The following POTEC variants were observed in gnomAD, a reference collection of about 807,000 sequenced individuals.
The protein encoded by POTEC is ANKRD26-like family B member 2.
A neutral mutation model predicts 62.0 loss-of-function variants in POTEC; 35 were observed. The observed-to-expected ratio is 0.56, with a 90% CI of 0.43 to 0.75. The LOEUF is 0.75. Ranked by LOEUF, POTEC falls within the 30% of genes least tolerant of loss-of-function variation. The pLI is 0.00. For missense variants in POTEC, 472 were observed against 655.9 expected, an observed-to-expected ratio of 0.72 and a Z score of 3.06; for synonymous variants, 156 against 221.5, an observed-to-expected ratio of 0.70 and a Z score of 2.62.
intron 9 of POTEC, among the ~76,000 whole-genome samples, chr18:14,514,284 C>A (rs542367566): frequency 6.6e-6 from 1 of 151,588 alleles, no homozygotes; most frequent in African/African-American, 2.4e-5. Context: ...CTAATGTCAC[C>A]GCTGATCTGA....
chr18:14,529,195 A>T (rs184246489), intron 6 of POTEC: 3,451 of 309,260 alleles, frequency 0.011, 113 homozygotes, highest in African/African-American at 0.071. Context: ...GCACACAGTA[A>T]GCACTGAATA....
At chr18:14,522,557 T>C (rs1190709196) in intron 8 of POTEC, 137 bp from the exon 9 acceptor site, 1 of 1,337,604 alleles carries the variant, frequency 7.5e-7, no homozygotes, top group Non-Finnish European at 1.0e-6. Context: ...TTTGATCATA[T>C]ATACAGAACT....
At chr18:14,516,920 T>C (rs530739887) in intron 9 of POTEC, among the ~76,000 whole-genome samples, 1 of 151,308 alleles carries the variant, frequency 6.6e-6, no homozygotes, top group Non-Finnish European at 1.5e-5. Flanking sequence ...AGAAAAGGAA[T>C]TTAAAAAGAG....
chr18:14,540,085 T>G (rs1413345885), intron 1 of POTEC, among the ~76,000 whole-genome samples: 1 of 137,730 alleles, frequency 7.3e-6, no homozygotes, highest in Non-Finnish European at 1.6e-5. Flanking sequence ...ATAACTAAAC[T>G]AAAATAATTA....
chr18:14,529,862 C>T (rs1193467989), intron 6 of POTEC, among the ~76,000 whole-genome samples: 1 of 152,002 alleles, frequency 6.6e-6, no homozygotes, highest in African/African-American at 2.4e-5. Context: ...TGTGCTTTGG[C>T]GTTCTTTTGT....
chr18:14,515,575 C>A lies in POTEC; in HGVS notation c.1410-1790G>T, dbSNP rs564740488. Among the ~76,000 whole-genome samples the A allele has an allele frequency of 9.9e-5, 15 of 151,980 alleles. No homozygotes were observed. In the South Asian group the frequency reaches 3.1e-3, roughly 32 times the overall value. On this transcript the variant is annotated intron_variant, in intron 9 of 10. Coordinates refer to ENST00000358970, the MANE Select transcript of POTEC (RefSeq NM_001137671.2). ...ATGGATTAATGGCCTAAACCTAAGA[C>A]CTGAAGACATTAGCCTAGGCAAATA...
chr18:14,528,086 C>T (rs1175529143), intron 6 of POTEC: 1 of 152,186 alleles, frequency 6.6e-6, no homozygotes, highest in Non-Finnish European at 1.5e-5. Flanking sequence ...GGCTTTCACA[C>T]TACAACAACA....
Position 14,511,357 on chromosome 18 carries a change from T to C in POTEC, c.*541A>G. On this transcript the variant is annotated 3_prime_UTR_variant, in exon 11 of 11. Coordinates refer to ENST00000358970, the MANE Select transcript of POTEC (RefSeq NM_001137671.2). ...AGGATCTCTTCTGCCCCTGGTGGGTTTGTACTCTCCAAAGCCCGCACGCTG... is the reference window on the plus strand; with the variant it reads ...AGGATCTCTTCTGCCCCTGGTGGGTCTGTACTCTCCAAAGCCCGCACGCTG... The C allele has an allele frequency of 7.3e-6, 2 of 275,450 alleles. No homozygotes were observed. Among genetic ancestry groups the C allele is most frequent in the Non-Finnish European group, 1.4e-5 (2 of 143,550 alleles). The allele number at this position is 275,450 out of a possible 1,614,324, so 17.1% of individuals were successfully genotyped here. A position where few individuals can be genotyped will look rare whatever the true frequency, so the allele number is the denominator to read the frequency against.
intron 3 of POTEC, among the ~76,000 whole-genome samples, chr18:14,537,192 CACACACACACACACACACAA>C (rs1217690151): frequency 1.2e-5 from 1 of 80,570 alleles, no homozygotes; most frequent in East Asian, 5.4e-4. Flanking sequence ...CACACACACA[CACACACACACACACACACAA>C]AAAAAAAAAA....
chr18:14,519,779 A>C (rs959834436), intron 9 of POTEC, among the ~76,000 whole-genome samples: 2 of 152,126 alleles, frequency 1.3e-5, no homozygotes, highest in Non-Finnish European at 2.9e-5. Context: ...GGAAACAACA[A>C]TGTCCAAAAG....
In POTEC at chr18:14,510,288, C is replaced by T. The variant is rs974764523; in HGVS notation, c.*1610G>A. 6.6e-6 allele frequency: 1 copy of T among 152,062 alleles called. No homozygotes were observed. The highest frequency in any genetic ancestry group is 1.5e-5 in the Non-Finnish European group (1 of 68,020). 9.4% of individuals were successfully genotyped at this position (152,062 alleles called of 1,614,324 possible). On this transcript the variant is annotated 3_prime_UTR_variant, in exon 11 of 11. Coordinates refer to ENST00000358970, the MANE Select transcript of POTEC (RefSeq NM_001137671.2). ...CAATATGGCACTTAGGGTCTTTGCTCCCTTGATATTCTGAGGGTAGCAAGG... is the reference window on the plus strand; with the variant it reads ...CAATATGGCACTTAGGGTCTTTGCTTCCTTGATATTCTGAGGGTAGCAAGG...
rs962082704 is a variant in POTEC at position 14,510,849 on chromosome 18, T to C, written c.*1049A>G. 2 of 152,136 alleles carry C rather than the reference T, an allele frequency of 1.3e-5. No homozygotes were observed. Among genetic ancestry groups the C allele is most frequent in the African/African-American group, 2.4e-5 (1 of 41,422 alleles). The allele number at this position is 152,136 out of a possible 1,614,324, so 9.4% of individuals were successfully genotyped here. ...ACACTCTGAAACTCTAAGACTGAAC[T>C]GGCTGAGTCATCCAAACAGCAAAGA... On this transcript the variant is annotated 3_prime_UTR_variant, in exon 11 of 11. Coordinates refer to ENST00000358970, the MANE Select transcript of POTEC (RefSeq NM_001137671.2).
chr18:14,530,471 C>G lies in POTEC; in HGVS notation c.1126+12G>C. 6.2e-7 allele frequency: 1 copy of G among 1,602,622 alleles called. No homozygotes were observed. Among genetic ancestry groups the G allele is most frequent in the Non-Finnish European group, 8.5e-7 (1 of 1,173,628 alleles). ...CAACTGACCTAAAGTAATTCATTAT[C>G]ACAAGTCTTACCTGGATTGCTGTTT... On this transcript the variant is annotated intron_variant, in intron 6 of 10. Coordinates refer to ENST00000358970, the MANE Select transcript of POTEC (RefSeq NM_001137671.2).
chr18:14,543,414 C>G lies in POTEC; in HGVS notation c.-268G>C, dbSNP rs1567917558. Reference sequence around the variant, plus strand: ...CCCCCCTCCCAAGGAAACACCCAGCCCAGTCAAGGGAATGCCAAACCCAGC... The same window carrying G: ...CCCCCCTCCCAAGGAAACACCCAGCGCAGTCAAGGGAATGCCAAACCCAGC... On this transcript the variant is annotated 5_prime_UTR_variant, in exon 1 of 11. Coordinates refer to ENST00000358970, the MANE Select transcript of POTEC (RefSeq NM_001137671.2). 1 of 608,726 alleles carries G rather than the reference C, an allele frequency of 1.6e-6. No homozygotes were observed. The highest frequency in any genetic ancestry group is 2.9e-5 in the East Asian group (1 of 34,336). 37.7% of individuals were successfully genotyped at this position (608,726 alleles called of 1,614,324 possible). A position where few individuals can be genotyped will look rare whatever the true frequency, so the allele number is the denominator to read the frequency against.
At chr18:14,516,078 A>T (rs1298099178) in intron 9 of POTEC, among the ~76,000 whole-genome samples, 1 of 150,544 alleles carries the variant, frequency 6.6e-6, no homozygotes. Flanking sequence ...GTGGGGATAC[A>T]AATTAGTACA....
intron 5 of POTEC, chr18:14,531,643 A>G (rs1303889249): frequency 1.3e-5 from 2 of 151,884 alleles, no homozygotes; most frequent in Non-Finnish European, 2.9e-5. Flanking sequence ...AGAGCTAGTC[A>G]GCAAATAGTG....
chr18:14,525,014 T>C, intron 6 of POTEC, 31 bp from the exon 7 acceptor site: 3 of 1,598,958 alleles, frequency 1.9e-6, no homozygotes, highest in Non-Finnish European at 2.6e-6. Flanking sequence ...TCAGTTAAGA[T>C]GAACCACTTA....
At chr18:14,523,679 AAATTAAG>A (rs1910364931) in intron 7 of POTEC, among the ~76,000 whole-genome samples, 172 bp from the exon 8 acceptor site, 1 of 151,926 alleles carries the variant, frequency 6.6e-6, no homozygotes, top group South Asian at 2.1e-4. Flanking sequence ...TAAATAATTA[AAATTAAG>A]AATTAACTTT....
chr18:14,525,078 T>C lies in POTEC; in HGVS notation c.1127-95A>G. The stretch of plus-strand genomic sequence containing the variant: ...AAACAGATTGAAGACAGCATTTTAT[T>C]TTATTTCATAAATTGAGTGTTTAGT... On this transcript the variant is annotated intron_variant, in intron 6 of 10. Coordinates refer to ENST00000358970, the MANE Select transcript of POTEC (RefSeq NM_001137671.2). The C allele has an allele frequency of 2.0e-6, 3 of 1,529,726 alleles. No individual in the cohort carries two copies. The South Asian group carries it at 3.6e-5, about 19-fold the overall frequency. The allele number at this position is 1,529,726 out of a possible 1,614,324, so 94.8% of individuals were successfully genotyped here. A position where few individuals can be genotyped will look rare whatever the true frequency, so the allele number is the denominator to read the frequency against.
Sources: allele counts gnomAD v4.1 joint callset (sites outside exome capture counted in the v4.1 genomes callset), GRCh38; gene constraint gnomAD v4.1.1; transcripts MANE v1.5; gene names NCBI Gene and HGNC (gene_info 2026-07-23, HGNC 2026-07-21).